Variants in ASTN2 observed in about 807,000 individuals in gnomAD.
ASTN2 encodes astrotactin-2.
In ASTN2, 54 loss-of-function variants were observed where a neutral mutation model predicts 139.8. The ratio of observed to expected loss-of-function variants is 0.39; its 90% CI spans 0.31 to 0.48. The LOEUF (loss-of-function observed/expected upper bound fraction) is 0.48. Among genes scored for constraint, ASTN2 ranks in the 20% least tolerant of loss-of-function variants. ASTN2 has a pLI of 0.95. For missense variants in ASTN2, 1,565 were observed against 1,725.1 expected, an observed-to-expected ratio of 0.91 and a Z score of 1.64; for synonymous variants, 756 against 719.5, an observed-to-expected ratio of 1.05 and a Z score of -0.81.
chr9:116,651,080 C>T (rs986588981), intron 17 of ASTN2, among the ~76,000 whole-genome samples: 8 of 137,488 alleles, frequency 5.8e-5, no homozygotes, highest in Admixed American at 4.1e-4. Context: ...CCACACCTGG[C>T]GAATCTTTGT....
intron 16 of ASTN2, chr9:116,687,069 G>A: frequency 7.9e-7 from 1 of 1,269,454 alleles, no homozygotes; most frequent in Non-Finnish European, 1.0e-6. Context: ...GACTTACTGA[G>A]TGAACTTGAG....
rs138979766 is a variant in ASTN2 at position 116,864,666 on chromosome 9, T to A, written c.1890-933A>T. On this transcript the variant is annotated intron_variant, in intron 10 of 22. Coordinates refer to ENST00000313400, the MANE Select transcript of ASTN2 (RefSeq NM_001365068.1). ...CATGGGCAGTGAGAAGCGGCACATATCCTTCCCTGGTCTGTGCCTCATGAG... is the reference window on the plus strand; with the variant it reads ...CATGGGCAGTGAGAAGCGGCACATAACCTTCCCTGGTCTGTGCCTCATGAG... Among the ~76,000 whole-genome samples, 430 of 152,300 alleles carry A rather than the reference T, an allele frequency of 2.8e-3. 3 individuals carry two copies. The highest frequency in any genetic ancestry group is 4.6e-3 in the Non-Finnish European group (312 of 68,038).
At chr9:116,942,003 A>G (rs1835248339) in intron 10 of ASTN2, among the ~76,000 whole-genome samples, 1 of 151,800 alleles carries the variant, frequency 6.6e-6, no homozygotes, top group Non-Finnish European at 1.5e-5. Context: ...AAAAAAAAAA[A>G]AAGTCCCTTC....
chr9:117,169,737 G>T (rs77707487), intron 3 of ASTN2, among the ~76,000 whole-genome samples: 1,568 of 152,052 alleles, frequency 0.01, 17 homozygotes, highest in Middle Eastern at 0.034. Context: ...ACATGGTGGG[G>T]TGGGGCAGGG....
intron 3 of ASTN2, among the ~76,000 whole-genome samples, chr9:117,201,613 G>A (rs183122076): frequency 3.3e-5 from 5 of 152,148 alleles, no homozygotes; most frequent in Admixed American, 6.5e-5. Context: ...AGTCATTCAG[G>A]AGCAGGTTGT....
chr9:117,131,244 A>T (rs1466457249), intron 4 of ASTN2, among the ~76,000 whole-genome samples: 1 of 152,128 alleles, frequency 6.6e-6, no homozygotes, highest in African/African-American at 2.4e-5. Context: ...CATTATGATG[A>T]AAAGGGCAGT....
In ASTN2 at chr9:116,651,567, C is replaced by T; in HGVS notation, c.3033G>A (p.Val1011=). 3.7e-6 allele frequency: 6 copies of T among 1,614,150 alleles called. No individual in the cohort carries two copies. Among genetic ancestry groups the T allele is most frequent in the South Asian group, 1.1e-5 (1 of 91,078 alleles). Residue 1011 remains valine (V), a synonymous_variant, in exon 17 of 23, where the codon GTG becomes GTA. Transcript: ENST00000313400. ...TGTCTTGGATGAGGGTATAAAGTGG[C>T]ACCACACGGTTGATTTCCAGCAGCA... ...TPVLLEINRV[V]PLYTLIQDNG...
intron 7 of ASTN2, among the ~76,000 whole-genome samples, chr9:117,007,253 C>G (rs1837381873): frequency 6.6e-6 from 1 of 152,134 alleles, no homozygotes; most frequent in African/African-American, 2.4e-5. Flanking sequence ...ATGCTTTGTA[C>G]ATCATTCTTT....
At chr9:117,318,136 G>C (rs927741965) in intron 1 of ASTN2, among the ~76,000 whole-genome samples, 5 of 152,162 alleles carry the variant, frequency 3.3e-5, no homozygotes, top group Admixed American at 1.3e-4. Context: ...CAGAGATAAA[G>C]GTGTGCTTTC....
At chr9:116,802,527 C>T (rs1286622464) in intron 13 of ASTN2, among the ~76,000 whole-genome samples, 1 of 152,158 alleles carries the variant, frequency 6.6e-6, no homozygotes, top group East Asian at 1.9e-4. Context: ...AAAATGAGAT[C>T]CCAGGATTTA....
chr9:117,384,067 C>G (rs1450719441), intron 1 of ASTN2, among the ~76,000 whole-genome samples: 2 of 152,206 alleles, frequency 1.3e-5, no homozygotes, highest in African/African-American at 4.8e-5. Context: ...CAGCAGCCAG[C>G]TGCAGTGCTA....
Position 116,927,487 on chromosome 9 carries a change from T to A in ASTN2, c.1889+47721A>T, listed in dbSNP as rs558214757. Among the ~76,000 whole-genome samples the A allele has an allele frequency of 2.0e-5, 3 of 152,354 alleles. No homozygotes were observed. In the South Asian group the frequency reaches 6.2e-4, roughly 32 times the overall value. ...AGATTCCTTTTTTAACCAGCTCTGG[T>A]AACTCCCTTATGTAACAACACATGC... On this transcript the variant is annotated intron_variant, in intron 10 of 22. Transcript: ENST00000313400.
At chr9:116,764,676 A>G (rs115677854) in intron 13 of ASTN2, among the ~76,000 whole-genome samples, 2 of 152,262 alleles carry the variant, frequency 1.3e-5, no homozygotes, top group African/African-American at 2.4e-5. Context: ...TACTTATTCA[A>G]ATATTTCCTG....
chr9:116,856,244 C>A (rs950908537), intron 11 of ASTN2, among the ~76,000 whole-genome samples: 14 of 152,202 alleles, frequency 9.2e-5, no homozygotes, highest in Admixed American at 9.2e-4. Flanking sequence ...ATCTATCATA[C>A]CCCATGTGGC....
At chr9:117,181,246 G>A in intron 3 of ASTN2, 1 of 544,758 alleles carries the variant, frequency 1.8e-6, no homozygotes, top group East Asian at 3.1e-5. Flanking sequence ...TGTATAAGCT[G>A]AGAATGCTCA....
intron 20 of ASTN2, among the ~76,000 whole-genome samples, chr9:116,449,225 G>GT (rs1848101949): frequency 6.6e-6 from 1 of 152,138 alleles, no homozygotes; most frequent in Non-Finnish European, 1.5e-5. Flanking sequence ...GGGCAACATG[G>GT]TGAAACCCCA....
chr9:117,336,000 C>T (rs1429024280), intron 1 of ASTN2, among the ~76,000 whole-genome samples: 1 of 147,414 alleles, frequency 6.8e-6, no homozygotes, highest in South Asian at 2.2e-4. Context: ...ACGACAGCTT[C>T]GTTGAACAAA....
chr9:117,310,360 CAG>C (rs1827936170), intron 1 of ASTN2, among the ~76,000 whole-genome samples: 1 of 152,282 alleles, frequency 6.6e-6, no homozygotes, highest in African/African-American at 2.4e-5. Context: ...CCAGCAATAT[CAG>C]AGTCAGAATT....
At chr9:116,807,069 C>A (rs1831048263) in intron 12 of ASTN2, among the ~76,000 whole-genome samples, 2 of 152,150 alleles carry the variant, frequency 1.3e-5, no homozygotes, top group African/African-American at 4.8e-5. Flanking sequence ...TTTGTCTCCT[C>A]CAAATCTAGT....
Sources: gnomAD v4.1 joint callset for allele counts (sites outside exome capture counted in the v4.1 genomes callset) on GRCh38, gnomAD v4.1.1 for gene constraint, MANE v1.5 for transcripts, NCBI Gene and HGNC (gene_info 2026-07-23, HGNC 2026-07-21) for gene names.